Variants in DNAH12 observed in about 807,000 individuals in gnomAD.
DNAH12 encodes the protein axonemal beta dynein heavy chain 12.
A neutral mutation model predicts 371.5 loss-of-function variants in DNAH12; 285 were observed. That is an observed-to-expected ratio of 0.77 (90% CI 0.70 to 0.85). The LOEUF (loss-of-function observed/expected upper bound fraction) is 0.85. DNAH12 is among the 40% of genes least tolerant of loss of function. The pLI is 0.00. For missense variants in DNAH12, 3,611 were observed against 3,689.4 expected (o/e 0.98, Z 0.55); for synonymous variants, 1,200 against 1,213.0 (o/e 0.99, Z 0.22).
Position 57,405,812 on chromosome 3 carries a change from G to A in DNAH12, c.6417C>T (p.Ile2139=). The A allele has an allele frequency of 6.4e-7, 1 of 1,551,676 alleles. No individual in the cohort carries two copies. Among genetic ancestry groups the A allele is most frequent in the South Asian group, 1.2e-5 (1 of 84,052 alleles). Residue 2139 remains isoleucine, a synonymous_variant, in exon 41 of 74, where the codon ATC becomes ATT. Transcript: ENST00000495027. ...RDAVANKHTM[I]RLFVHEVLRV... ...GGAGAACCTCATGCACAAACAGACG[G>A]ATCATAGTGTGTTTGTTCGCCACGG...
intron 4 of DNAH12, among the ~76,000 whole-genome samples, chr3:57,511,600 T>C (rs2068001385): frequency 1.3e-5 from 2 of 152,142 alleles, no homozygotes; most frequent in African/African-American, 4.8e-5. Context: ...CTAAAGTTCA[T>C]GTGGAAAAAT....
chr3:57,317,627 C>G (rs4681972), intron 65 of DNAH12, among the ~76,000 whole-genome samples: 34,103 of 152,018 alleles, frequency 0.22, 4,427 homozygotes, highest in South Asian at 0.4. Flanking sequence ...GTGAATGGTG[C>G]TGCAATGAAC....
At chr3:57,522,648 A>G (rs1316338636) in intron 4 of DNAH12, among the ~76,000 whole-genome samples, 1 of 152,176 alleles carries the variant, frequency 6.6e-6, no homozygotes, top group African/African-American at 2.4e-5. Flanking sequence ...TTCAGCCTCT[A>G]TCCCCCAAAG....
intron 55 of DNAH12, among the ~76,000 whole-genome samples, chr3:57,371,899 A>T (rs2153337260): frequency 6.7e-6 from 1 of 149,796 alleles, no homozygotes; most frequent in South Asian, 2.1e-4. Context: ...AAACAAAAGC[A>T]AAAAGCAAAA....
chr3:57,432,033 C>CT (rs2064970303), intron 32 of DNAH12, among the ~76,000 whole-genome samples: 1 of 152,162 alleles, frequency 6.6e-6, no homozygotes, highest in Non-Finnish European at 1.5e-5. Context: ...AACCCTTAGA[C>CT]TTCACTCTAC....
chr3:57,535,833 C>T (rs2069019403), intron 2 of DNAH12, among the ~76,000 whole-genome samples: 1 of 139,544 alleles, frequency 7.2e-6, no homozygotes, highest in African/African-American at 2.9e-5. Context: ...TGAGCCACCA[C>T]ACCCCAATTT....
In DNAH12 at chr3:57,467,083, C is replaced by T. The variant is rs565144866; in HGVS notation, c.2349+1653G>A. Among the ~76,000 whole-genome samples the T allele has an allele frequency of 3.9e-5, 6 of 152,150 alleles. 1 individual carries two copies. In the South Asian group the frequency reaches 1.2e-3, roughly 32 times the overall value. ...AGCCTGCTTCCAAACCTTTCTATTT[C>T]TCTTCATTAGCACTTGATGATGAGA... On this transcript the variant is annotated intron_variant, in intron 17 of 73. Transcript: ENST00000495027.
chr3:57,345,356 G>C (rs546175900), intron 60 of DNAH12, among the ~76,000 whole-genome samples: 4 of 152,022 alleles, frequency 2.6e-5, no homozygotes, highest in South Asian at 4.2e-4. Context: ...AAAAATTCTC[G>C]ACAAAATATT....
At chr3:57,350,112 C>T (rs6802711) in intron 60 of DNAH12, among the ~76,000 whole-genome samples, 48,849 of 151,954 alleles carry the variant, frequency 0.32, 8,588 homozygotes, top group African/African-American at 0.45. Flanking sequence ...AAGAATGGTA[C>T]GTTGGACTTT....
At chr3:57,525,910 G>C (rs891063276) in intron 2 of DNAH12, among the ~76,000 whole-genome samples, 2 of 151,348 alleles carry the variant, frequency 1.3e-5, no homozygotes, top group Non-Finnish European at 2.9e-5. Flanking sequence ...TATAGGCTCA[G>C]GCTACCAGGC....
intron 69 of DNAH12, among the ~76,000 whole-genome samples, chr3:57,306,137 C>A (rs189933505): frequency 2.5e-3 from 375 of 152,294 alleles, no homozygotes; most frequent in African/African-American, 8.6e-3. Flanking sequence ...CAGATCTTCT[C>A]CGCTTAGCGG....
rs2063511936 is a variant in DNAH12, at chr3:57,387,067, T to A, written c.7439+19A>T. The A allele has an allele frequency of 1.3e-5, 2 of 152,230 alleles. No individual in the cohort carries two copies. The highest frequency in any genetic ancestry group is 1.3e-4 in the Admixed American group (2 of 15,284). The allele number at this position is 152,230 out of a possible 1,614,324, so 9.4% of individuals were successfully genotyped here. On this transcript the variant is annotated intron_variant, in intron 46 of 73. Coordinates refer to ENST00000495027, the MANE Select transcript of DNAH12 (RefSeq NM_001366028.2). ...TCACAAATCCCTTCATTGTCATTTT[T>A]AAATTCACTAATATTAACCTTTCTG...
At chr3:57,396,304 A>AAAAAAAAAAAAAAAAC (rs2063740130) in intron 43 of DNAH12, among the ~76,000 whole-genome samples, 1 of 141,956 alleles carries the variant, frequency 7.0e-6, no homozygotes, top group East Asian at 2.2e-4. Flanking sequence ...AAAAAAAAAA[A>AAAAAAAAAAAAAAAAC]AAAAAAGAGA....
chr3:57,446,525 C>T lies in DNAH12; in HGVS notation c.3939+12G>A. The T allele has an allele frequency of 6.6e-7, 1 of 1,516,260 alleles. No individual in the cohort carries two copies. Among genetic ancestry groups the T allele is most frequent in the Non-Finnish European group, 8.8e-7 (1 of 1,130,904 alleles). 93.9% of individuals were successfully genotyped at this position (1,516,260 alleles called of 1,614,324 possible). ...GAAACATTTAATATTATTGATTCAGCAATTTAACTACCTTTCCCATTGCTA... is the reference window on the plus strand; with the variant it reads ...GAAACATTTAATATTATTGATTCAGTAATTTAACTACCTTTCCCATTGCTA... On this transcript the variant is annotated intron_variant, in intron 26 of 73. Coordinates refer to ENST00000495027, the MANE Select transcript of DNAH12 (RefSeq NM_001366028.2).
chr3:57,388,732 G>C (rs1232047137), intron 45 of DNAH12, among the ~76,000 whole-genome samples: 1 of 152,052 alleles, frequency 6.6e-6, no homozygotes, highest in South Asian at 2.1e-4. Context: ...CCATAAAAAA[G>C]GATGAGTTCA....
intron 55 of DNAH12, among the ~76,000 whole-genome samples, chr3:57,374,937 A>T (rs1437993312): frequency 6.6e-6 from 1 of 152,160 alleles, no homozygotes; most frequent in Non-Finnish European, 1.5e-5. Flanking sequence ...CTGGAAAGGA[A>T]CATGAGGAGA....
In DNAH12 at chr3:57,507,606, A is replaced by G. The variant is rs760488141; in HGVS notation, c.897+37T>C. ...TATTTAAAATATTGAACTAATTTTA[A>G]TAACATTATCATTTAATATATATAA... On this transcript the variant is annotated intron_variant, in intron 8 of 73. Coordinates refer to ENST00000495027, the MANE Select transcript of DNAH12 (RefSeq NM_001366028.2). 2.9e-6 allele frequency: 4 copies of G among 1,401,152 alleles called. No individual in the cohort carries two copies. In the South Asian group the frequency reaches 4.8e-5, roughly 17 times the overall value. 86.8% of individuals were successfully genotyped at this position (1,401,152 alleles called of 1,614,324 possible).
At position 57,314,651 on chromosome 3, in the gene DNAH12, T is replaced by C. The variant is rs907615912; in HGVS notation, c.10525-20A>G. 4.6e-6 allele frequency: 7 copies of C among 1,508,522 alleles called. No individual in the cohort carries two copies. Among genetic ancestry groups the C allele is most frequent in the African/African-American group, 4.5e-5 (3 of 67,326 alleles). 93.4% of individuals were successfully genotyped at this position (1,508,522 alleles called of 1,614,324 possible). On this transcript the variant is annotated intron_variant, in intron 65 of 73. Coordinates refer to ENST00000495027, the MANE Select transcript of DNAH12 (RefSeq NM_001366028.2). ...CCAGGCCTTTAATATAAAAAGTACATAACAAGAAAAAAAATTCCGGTCAGA... is the reference window on the plus strand; with the variant it reads ...CCAGGCCTTTAATATAAAAAGTACACAACAAGAAAAAAAATTCCGGTCAGA...
intron 2 of DNAH12, among the ~76,000 whole-genome samples, chr3:57,542,282 T>C (rs948451002): frequency 2.6e-5 from 4 of 152,168 alleles, no homozygotes; most frequent in Non-Finnish European, 5.9e-5. Context: ...TTCAGTTATT[T>C]GATTTTACTT....
Sources: allele counts gnomAD v4.1 joint callset (sites outside exome capture counted in the v4.1 genomes callset), GRCh38; gene constraint gnomAD v4.1.1; transcripts MANE v1.5; gene names NCBI Gene and HGNC (gene_info 2026-07-23, HGNC 2026-07-21).